Variants in TJP1 observed in about 807,000 individuals in gnomAD.
TJP1 encodes the protein tight junction protein ZO-1.
TJP1 carries 43 observed loss-of-function variants against 194.2 expected under a neutral mutation model. The ratio of observed to expected loss-of-function variants is 0.22; its 90% CI spans 0.17 to 0.29. TJP1 has a LOEUF of 0.29. Among genes scored for constraint, TJP1 ranks in the 10% least tolerant of loss-of-function variants. The pLI is 1.00. For missense variants in TJP1, 1,971 were observed against 2,185.7 expected, an observed-to-expected ratio of 0.90 and a Z score of 1.96; for synonymous variants, 801 against 779.0, an observed-to-expected ratio of 1.03 and a Z score of -0.47.
chr15:29,946,347 T>A (rs2055282038), intron 2 of TJP1, among the ~76,000 whole-genome samples: 1 of 152,184 alleles, frequency 6.6e-6, no homozygotes, highest in South Asian at 2.1e-4. Context: ...GGCTAGTGGA[T>A]GAAAGTCTGA....
At chr15:29,891,784 C>T (rs922187416) in intron 2 of TJP1, among the ~76,000 whole-genome samples, 20 of 152,192 alleles carry the variant, frequency 1.3e-4, no homozygotes, top group Non-Finnish European at 2.6e-4. Context: ...GACTGTTCCA[C>T]TGACCGGCCA....
At position 29,700,399 on chromosome 15, in the gene TJP1, G is replaced by GT. The variant is rs1347918679; in HGVS notation, c.*1195dup. On this transcript the variant is annotated 3_prime_UTR_variant, in exon 28 of 28. Transcript: ENST00000614355. ...TCAAACTAGAGAATTCTGAGTAACT[G>GT]TATCTTTTAAATGCAGCACTTAAAA... 5.0e-6 allele frequency: 2 copies of GT among 398,832 alleles called. No individual in the cohort carries two copies. The highest frequency in any genetic ancestry group is 7.1e-5 in the East Asian group (2 of 28,052). 24.7% of individuals were successfully genotyped at this position (398,832 alleles called of 1,614,324 possible). A position where few individuals can be genotyped will look rare whatever the true frequency, so the allele number is the denominator to read the frequency against.
chr15:29,917,978 A>G (rs2054238865), intron 2 of TJP1, among the ~76,000 whole-genome samples: 1 of 152,040 alleles, frequency 6.6e-6, no homozygotes, highest in East Asian at 1.9e-4. Context: ...CTTATCAAAC[A>G]CTAACTCCTC....
chr15:29,720,881 A>G (rs1291483835), intron 18 of TJP1, among the ~76,000 whole-genome samples, 173 bp from the exon 19 acceptor site: 1 of 152,216 alleles, frequency 6.6e-6, no homozygotes, highest in Non-Finnish European at 1.5e-5. Flanking sequence ...ACGCAGACAC[A>G]TGGAGCACCC....
chr15:29,736,436 G>T (rs544616749), intron 11 of TJP1, among the ~76,000 whole-genome samples: 3 of 152,226 alleles, frequency 2.0e-5, no homozygotes, highest in Admixed American at 1.3e-4. Flanking sequence ...GCTGAGTACA[G>T]AAAGAGACCA....
intron 8 of TJP1, among the ~76,000 whole-genome samples, chr15:29,748,963 TGCGCGCGC>T (rs56413711): frequency 0.016 from 169 of 10,642 alleles, no homozygotes; most frequent in African/African-American, 0.02. Context: ...TGCGCGTGTG[TGCGCGCGC>T]GCGTTTGCTA....
intron 2 of TJP1, among the ~76,000 whole-genome samples, chr15:29,917,981 A>G (rs554377549): frequency 3.4e-4 from 51 of 152,134 alleles, no homozygotes; most frequent in African/African-American, 1.2e-3. Context: ...ATCAAACACT[A>G]ACTCCTCACT....
rs746942983 is a variant in TJP1, at chr15:29,741,411, A to G, written c.1176T>C (p.Val392=). ...LPEPKPVYAQ[V]GQPDVDLPVS... is the part of the protein sequence containing the mutation. ...CAGGTAAATCCACATCTGGTTGCCC[A>G]ACTTGGGCATACACAGGCTTTGGTT... Residue 392 remains valine, a synonymous_variant, in exon 10 of 28, where the codon GTT becomes GTC. Transcript: ENST00000614355. 6.2e-7 allele frequency: 1 copy of G among 1,606,808 alleles called. No individual in the cohort carries two copies. The highest frequency in any genetic ancestry group is 1.1e-5 in the South Asian group (1 of 89,212).
chr15:29,771,372 T>C (rs1263431263), intron 4 of TJP1, among the ~76,000 whole-genome samples: 1 of 152,150 alleles, frequency 6.6e-6, no homozygotes, highest in Non-Finnish European at 1.5e-5. Context: ...TATGTGTGTA[T>C]CTAAACACGG....
At chr15:29,773,478 AAACACTC>A (rs2046820489) in intron 2 of TJP1, 121 bp from the exon 3 acceptor site, 1 of 932,770 alleles carries the variant, frequency 1.1e-6, no homozygotes, top group Admixed American at 2.4e-5. Context: ...TGTGATCCAT[AAACACTC>A]ACCTGCATGG....
intron 2 of TJP1, among the ~76,000 whole-genome samples, chr15:29,834,454 A>G (rs4780263): frequency 0.8 from 121,057 of 151,992 alleles, 48,690 homozygotes; most frequent in East Asian, 0.87. Flanking sequence ...TCCTGACCTC[A>G]CAATCCACCT....
In TJP1 at chr15:29,822,463, G is replaced by C; in HGVS notation, c.-435C>G. ...GCTCAGCCGGCGCCGGCAACTCAGC[G>C]GCCACGCAAACCTGCCGGCCCGGCC... On this transcript the variant is annotated 5_prime_UTR_variant, in exon 1 of 28. Coordinates refer to ENST00000614355, the MANE Select transcript of TJP1 (RefSeq NM_001330239.4). 1.0e-6 allele frequency: 1 copy of C among 985,706 alleles called. No homozygotes were observed. Among genetic ancestry groups the C allele is most frequent in the Non-Finnish European group, 1.2e-6 (1 of 830,330 alleles). The allele number at this position is 985,706 out of a possible 1,614,324, so 61.1% of individuals were successfully genotyped here.
chr15:29,785,700 T>G (rs1009927816), intron 2 of TJP1, among the ~76,000 whole-genome samples: 10 of 152,222 alleles, frequency 6.6e-5, no homozygotes, highest in African/African-American at 2.4e-4. Context: ...CTAGTCTTAC[T>G]TTTCTCCTCT....
chr15:29,968,925 G>A (rs1053015257), upstream of TJP1: 1 of 201,806 alleles, frequency 5.0e-6, no homozygotes, highest in African/African-American at 2.4e-5. Context: ...TGCGTGGCCC[G>A]GGCTCCCGCT....
At chr15:29,729,822 C>CAAA (rs762817418) in intron 15 of TJP1, among the ~76,000 whole-genome samples, 2 of 82,246 alleles carry the variant, frequency 2.4e-5, no homozygotes, top group Non-Finnish European at 4.9e-5. Flanking sequence ...GACTCTGTTT[C>CAAA]AAAAAAAAAA....
intron 2 of TJP1, among the ~76,000 whole-genome samples, chr15:29,936,641 T>G: frequency 6.6e-6 from 1 of 152,302 alleles, no homozygotes; most frequent in East Asian, 1.9e-4. Context: ...CTTACTGCAC[T>G]CATGTCCAAT....
intron 1 of TJP1, among the ~76,000 whole-genome samples, chr15:29,956,759 C>A (rs1401756356): frequency 6.6e-6 from 1 of 152,084 alleles, no homozygotes; most frequent in Non-Finnish European, 1.5e-5. Flanking sequence ...CCTGGTGGTG[C>A]ATGTCTGTGG....
intron 2 of TJP1, among the ~76,000 whole-genome samples, chr15:29,795,755 T>G (rs1047346243): frequency 6.6e-6 from 1 of 152,048 alleles, no homozygotes. Flanking sequence ...AACAAGAATC[T>G]TCACAAAACA....
intron 2 of TJP1, among the ~76,000 whole-genome samples, chr15:29,888,758 C>T (rs532790760): frequency 6.6e-6 from 1 of 152,256 alleles, no homozygotes; most frequent in Admixed American, 6.5e-5. Context: ...CCCCAGAGTT[C>T]CAGCAGCTCT....
Sources: gnomAD v4.1 joint callset for allele counts (sites outside exome capture counted in the v4.1 genomes callset) on GRCh38, gnomAD v4.1.1 for gene constraint, MANE v1.5 for transcripts, NCBI Gene and HGNC (gene_info 2026-07-23, HGNC 2026-07-21) for gene names.